The following GRM7 variants were observed in gnomAD, a reference collection of about 807,000 sequenced individuals.
GRM7 encodes the protein glutamate metabotropic receptor 7, also known as metabotropic glutamate receptor 7.
A neutral mutation model predicts 84.5 loss-of-function variants in GRM7; 35 were observed. That is an observed-to-expected ratio of 0.41 (90% CI 0.32 to 0.55). GRM7 has a LOEUF of 0.55. Among genes scored for constraint, GRM7 ranks in the 20% least tolerant of loss-of-function variants. The pLI is 0.19. For synonymous variants in GRM7, 487 were observed against 455.1 expected, an observed-to-expected ratio of 1.07 and a Z score of -0.89; for missense variants, 1,003 against 1,194.6, an observed-to-expected ratio of 0.84 and a Z score of 2.36.
intron 1 of GRM7, among the ~76,000 whole-genome samples, chr3:7,138,454 AATAC>A (rs1693840423): frequency 6.6e-6 from 1 of 151,992 alleles, no homozygotes; most frequent in Non-Finnish European, 1.5e-5. Context: ...CATTAAAATA[AATAC>A]ATAATCACTT....
At chr3:7,517,766 G>A (rs1312717567) in intron 7 of GRM7, among the ~76,000 whole-genome samples, 2 of 152,074 alleles carry the variant, frequency 1.3e-5, no homozygotes, top group African/African-American at 4.8e-5. Flanking sequence ...CACTGTCTGG[G>A]GATTATCCCA....
intron 3 of GRM7, among the ~76,000 whole-genome samples, chr3:7,301,634 A>G (rs980344897): frequency 1.3e-5 from 2 of 151,186 alleles, no homozygotes; most frequent in Admixed American, 6.6e-5. Flanking sequence ...CAATAATGAT[A>G]TTCAATAATT....
chr3:6,991,122 A>T (rs1421072897), intron 1 of GRM7, among the ~76,000 whole-genome samples: 1 of 152,120 alleles, frequency 6.6e-6, no homozygotes, highest in Non-Finnish European at 1.5e-5. Context: ...ATGCCCTCTT[A>T]CCAACCTGCA....
chr3:7,008,208 G>T (rs1254573865), intron 1 of GRM7, among the ~76,000 whole-genome samples: 1 of 152,068 alleles, frequency 6.6e-6, no homozygotes, highest in Non-Finnish European at 1.5e-5. Context: ...GTCAATGCCT[G>T]TCTCTGACCT....
intron 1 of GRM7, among the ~76,000 whole-genome samples, chr3:7,010,855 C>T (rs1472476): frequency 0.24 from 37,090 of 151,972 alleles, 4,708 homozygotes; most frequent in South Asian, 0.37. Context: ...CATGGAACTG[C>T]CAGAAAATGG....
At chr3:6,909,329 T>C (rs1696687805) in intron 1 of GRM7, among the ~76,000 whole-genome samples, 1 of 152,178 alleles carries the variant, frequency 6.6e-6, no homozygotes, top group Non-Finnish European at 1.5e-5. Flanking sequence ...TCTTTGAAGA[T>C]GTTTTTCTCT....
At chr3:7,006,537 T>C (rs1304678297) in intron 1 of GRM7, among the ~76,000 whole-genome samples, 1 of 152,216 alleles carries the variant, frequency 6.6e-6, no homozygotes, top group Non-Finnish European at 1.5e-5. Flanking sequence ...AAGAAAAAGT[T>C]ATTGTTTTGC....
chr3:7,255,810 G>A (rs1204255227), intron 2 of GRM7, among the ~76,000 whole-genome samples: 1 of 152,168 alleles, frequency 6.6e-6, no homozygotes, highest in Non-Finnish European at 1.5e-5. Context: ...GCAATAACAT[G>A]TCATACTCAA....
intron 7 of GRM7, among the ~76,000 whole-genome samples, chr3:7,545,461 ATTACAGTGAT>A (rs1693103144): frequency 6.6e-6 from 1 of 152,184 alleles, no homozygotes; most frequent in African/African-American, 2.4e-5. Context: ...TTTCTGTCTC[ATTACAGTGAT>A]TTTGTTCTGC....
At chr3:7,405,126 G>T (rs899361344) in intron 4 of GRM7, among the ~76,000 whole-genome samples, 1 of 152,062 alleles carries the variant, frequency 6.6e-6, no homozygotes, top group South Asian at 2.1e-4. Context: ...GGGAGATTTT[G>T]TTACTATTAA....
At chr3:6,994,539 T>A (rs1163891566) in intron 1 of GRM7, among the ~76,000 whole-genome samples, 1 of 152,200 alleles carries the variant, frequency 6.6e-6, no homozygotes, top group Admixed American at 6.5e-5. Context: ...TGCCACAATA[T>A]CTCAATGCTT....
In GRM7 at chr3:7,373,560, C is replaced by G. The variant is rs1874973; in HGVS notation, c.1034-41463C>G. 1.4e-4 allele frequency among the ~76,000 whole-genome samples: 22 copies of G among 152,232 alleles called. No individual in the cohort carries two copies. The South Asian group carries it at 4.6e-3, about 32-fold the overall frequency. ...CCAGTCCTCCATGAGGAAAAGTAAG[C>G]CCTTACTTATTTCTCCCATTCTTTC... On this transcript the variant is annotated intron_variant, in intron 4 of 9. Coordinates refer to ENST00000357716, the MANE Select transcript of GRM7 (RefSeq NM_000844.4).
intron 1 of GRM7, among the ~76,000 whole-genome samples, chr3:6,894,479 C>G (rs1403457246): frequency 6.6e-6 from 1 of 151,938 alleles, no homozygotes; most frequent in Non-Finnish European, 1.5e-5. Flanking sequence ...CCTAAAAATG[C>G]TAGAATGGGA....
chr3:7,652,067 T>C (rs1464664089), intron 8 of GRM7, among the ~76,000 whole-genome samples: 2 of 152,222 alleles, frequency 1.3e-5, no homozygotes, highest in South Asian at 2.1e-4. Flanking sequence ...GGGTAGTCCA[T>C]TTACCTGAGC....
chr3:6,906,206 T>A (rs994861657), intron 1 of GRM7, among the ~76,000 whole-genome samples: 1 of 152,158 alleles, frequency 6.6e-6, no homozygotes, highest in Admixed American at 6.5e-5. Context: ...ACTTGATTCA[T>A]GTATAATATC....
chr3:7,313,630 G>A (rs1342462779), intron 4 of GRM7, among the ~76,000 whole-genome samples: 2 of 152,068 alleles, frequency 1.3e-5, no homozygotes, highest in Non-Finnish European at 2.9e-5. Flanking sequence ...AAAATAAGGA[G>A]TATAAGTCAT....
At chr3:7,690,171 C>G (rs1700745000) in intron 9 of GRM7, among the ~76,000 whole-genome samples, 1 of 152,096 alleles carries the variant, frequency 6.6e-6, no homozygotes, top group African/African-American at 2.4e-5. Context: ...GGCTTTGAAG[C>G]ATACCGTTTT....
chr3:7,679,231 A>G (rs1700260495), intron 8 of GRM7, among the ~76,000 whole-genome samples: 1 of 152,192 alleles, frequency 6.6e-6, no homozygotes, highest in African/African-American at 2.4e-5. Flanking sequence ...AAGTTCTGTG[A>G]TTGAATGAGT....
chr3:7,192,146 G>A (rs1276135293), intron 2 of GRM7, among the ~76,000 whole-genome samples: 2 of 152,104 alleles, frequency 1.3e-5, no homozygotes, highest in African/African-American at 2.4e-5. Context: ...AACTGCTCTG[G>A]GTCCGTGGTT....
Sources: allele counts gnomAD v4.1 joint callset (sites outside exome capture counted in the v4.1 genomes callset), GRCh38; gene constraint gnomAD v4.1.1; transcripts MANE v1.5; gene names NCBI Gene and HGNC (gene_info 2026-07-23, HGNC 2026-07-21).